ZNF821: variants seen among roughly 807,000 people sequenced by gnomAD.
ZNF821 encodes the protein zinc finger protein 821.
In ZNF821, 16 loss-of-function variants were observed where a neutral mutation model predicts 44.3. That is an observed-to-expected ratio of 0.36 (90% CI 0.24 to 0.55). The LOEUF (loss-of-function observed/expected upper bound fraction) is 0.55, where lower values mean the gene tolerates loss of function less well. Ranked by LOEUF, ZNF821 falls within the 20% of genes least tolerant of loss-of-function variation. The pLI is 0.86. For missense variants in ZNF821, 436 were observed against 547.6 expected, an observed-to-expected ratio of 0.80 and a Z score of 2.03; for synonymous variants, 204 against 197.6, an observed-to-expected ratio of 1.03 and a Z score of -0.27.
chr16:71,859,891 T>C lies in ZNF821; in HGVS notation c.*127A>G. The C allele has an allele frequency of 1.8e-6, 2 of 1,129,116 alleles. No homozygotes were observed. Among genetic ancestry groups the C allele is most frequent in the Non-Finnish European group, 1.2e-6 (1 of 827,542 alleles). The allele number at this position is 1,129,116 out of a possible 1,614,324, so 69.9% of individuals were successfully genotyped here. A position where few individuals can be genotyped will look rare whatever the true frequency, so the allele number is the denominator to read the frequency against. Reference sequence around the variant, plus strand: ...AAGGGCTGCTCAGGTCCACCTGCAATAAACCCAGGCCTGCCTCTGGCAGCA... The same window carrying C: ...AAGGGCTGCTCAGGTCCACCTGCAACAAACCCAGGCCTGCCTCTGGCAGCA... On this transcript the variant is annotated 3_prime_UTR_variant, in exon 8 of 8. Transcript: ENST00000425432.
In ZNF821 at chr16:71,866,355, C is replaced by G. The variant is rs145812822; in HGVS notation, c.167-1307G>C. Among the ~76,000 whole-genome samples, 1,232 of 152,242 alleles carry G rather than the reference C, an allele frequency of 8.1e-3. 11 individuals carry two copies. The highest frequency in any genetic ancestry group is 9.2e-3 in the Non-Finnish European group (627 of 68,026). On this transcript the variant is annotated intron_variant, in intron 4 of 7. Transcript: ENST00000425432. ...TCATCTGCTAGTAGTTACATGTGTC[C>G]TTATTAGATAAATACTCCAGGCAAC...
Position 71,861,937 on chromosome 16 carries a change from A to T in ZNF821, c.423T>A (p.Thr141=). 1 of 1,614,180 alleles carries T rather than the reference A, an allele frequency of 6.2e-7. No homozygotes were observed. Among genetic ancestry groups the T allele is most frequent in the Non-Finnish European group, 8.5e-7 (1 of 1,180,002 alleles). Residue 141 remains threonine (T), a synonymous_variant, in exon 7 of 8, where the codon ACT becomes ACA. Transcript: ENST00000425432. ...AGCTCTTGGCGCTCACCACTGCTGC[A>T]GTGTGCTGTAAAACAGAGCCTTGAT... ...EQLIAHVYQH[T]AAVVSAKSYM...
intron 3 of ZNF821, among the ~76,000 whole-genome samples, chr16:71,874,590 A>G (rs1224072342): frequency 6.6e-6 from 1 of 151,976 alleles, no homozygotes; most frequent in Non-Finnish European, 1.5e-5. Context: ...AGTAGCTAGG[A>G]TTACAGGCGT....
Position 71,864,924 on chromosome 16 carries a change from C to A in ZNF821, c.291G>T (p.Gly97=). ...ELENTEQPVG[G]NEVVEHEVTG... is the part of the protein sequence containing the mutation. ...TTGCCTCGTGCTCTACCACTTCGTT[C>A]CCACCAACAGGCTGTTCTGTATTTT... Residue 97 remains glycine (G), a synonymous_variant, in exon 5 of 8, where the codon GGG becomes GGT. Coordinates refer to ENST00000425432, the MANE Select transcript of ZNF821 (RefSeq NM_001201552.2). The A allele has an allele frequency of 2.5e-6, 4 of 1,614,156 alleles. No homozygotes were observed. The highest frequency in any genetic ancestry group is 3.4e-6 in the Non-Finnish European group (4 of 1,180,026).
chr16:71,892,409 G>A (rs1247878511), intron 1 of ZNF821, among the ~76,000 whole-genome samples: 1 of 149,632 alleles, frequency 6.7e-6, no homozygotes, highest in Non-Finnish European at 1.5e-5. Context: ...TGGGACTACA[G>A]GCGCCCGCCA....
At chr16:71,894,930 G>T in exon 1 of ZNF821, 1 of 1,076,436 alleles carries the variant, frequency 9.3e-7, no homozygotes, top group South Asian at 1.3e-5. Flanking sequence ...TGGTGCTGAG[G>T]AAACACTACT....
Position 71,865,361 on chromosome 16 carries a change from C to T in ZNF821, c.167-313G>A, listed in dbSNP as rs372639048. Among the ~76,000 whole-genome samples the T allele has an allele frequency of 3.2e-4, 48 of 152,266 alleles. 2 individuals are homozygous for T. The South Asian group carries it at 8.7e-3, about 28-fold the overall frequency. On this transcript the variant is annotated intron_variant, in intron 4 of 7. Transcript: ENST00000425432. ...ATATCTCACACTTCAAATCACACCT[C>T]CCCAAGCACCTTACACTGAGCTCAT...
chr16:71,884,871 T>TC (rs1032582937), upstream of ZNF821: 5 of 142,514 alleles, frequency 3.5e-5, no homozygotes, highest in Admixed American at 6.7e-5. Context: ...TTTTTTTTTT[T>TC]TTTTGAGACA....
chr16:71,875,636 G>T (rs1026743566), intron 3 of ZNF821, among the ~76,000 whole-genome samples: 2 of 151,932 alleles, frequency 1.3e-5, no homozygotes. Flanking sequence ...TGTTTGTTTT[G>T]TATTTTTAGT....
chr16:71,890,390 CTT>C (rs11298803), intron 1 of ZNF821, among the ~76,000 whole-genome samples: 105 of 145,476 alleles, frequency 7.2e-4, no homozygotes, highest in Middle Eastern at 6.9e-3. Flanking sequence ...AGTCAGCAAA[CTT>C]TTTTTTTTTT....
At chr16:71,876,631 C>A (rs2035850890) in intron 3 of ZNF821, among the ~76,000 whole-genome samples, 1 of 152,098 alleles carries the variant, frequency 6.6e-6, no homozygotes, top group African/African-American at 2.4e-5. Flanking sequence ...CAGGATCTCA[C>A]TCCGACGCTC....
chr16:71,870,308 T>C (rs565774495), intron 3 of ZNF821, among the ~76,000 whole-genome samples: 5 of 151,780 alleles, frequency 3.3e-5, no homozygotes, highest in Non-Finnish European at 5.9e-5. Context: ...TAAGCTGTTT[T>C]AAGTCCATCT....
chr16:71,859,685 T>TA lies in ZNF821; in HGVS notation c.*332dup. 1 of 272,016 alleles carries TA rather than the reference T, an allele frequency of 3.7e-6. No homozygotes were observed. The highest frequency in any genetic ancestry group is 6.9e-6 in the Non-Finnish European group (1 of 144,780). The allele number at this position is 272,016 out of a possible 1,614,324, so 16.9% of individuals were successfully genotyped here. A position where few individuals can be genotyped will look rare whatever the true frequency, so the allele number is the denominator to read the frequency against. The stretch of plus-strand genomic sequence containing the variant: ...TGAGAGAAAAGCAAGAAAGGGGCAG[T>TA]AAAGATAAAATTAATTTATTTGACT... On this transcript the variant is annotated 3_prime_UTR_variant, in exon 8 of 8. Coordinates refer to ENST00000425432, the MANE Select transcript of ZNF821 (RefSeq NM_001201552.2).
At chr16:71,867,166 T>C (rs541998200) in intron 4 of ZNF821, among the ~76,000 whole-genome samples, 1 of 152,336 alleles carries the variant, frequency 6.6e-6, no homozygotes, top group Admixed American at 6.5e-5. Context: ...GCAAATCTTC[T>C]TGTTTAACAT....
At chr16:71,894,784 C>CCCCCAAGCGATCCT in intron 1 of ZNF821, 1 of 1,445,052 alleles carries the variant, frequency 6.9e-7, no homozygotes, top group Non-Finnish European at 9.4e-7. Context: ...GATCCTCCCG[C>CCCCCAAGCGATCCT]CCCGCCTCTC....
upstream of ZNF821, among the ~76,000 whole-genome samples, chr16:71,887,215 C>G (rs955574092): frequency 6.7e-6 from 1 of 149,648 alleles, no homozygotes; most frequent in African/African-American, 2.5e-5. Flanking sequence ...ATACATATAT[C>G]TAAGAGTGGA....
chr16:71,895,229 C>G (rs2142508020), exon 1 of ZNF821: 1 of 171,804 alleles, frequency 5.8e-6, no homozygotes, highest in African/African-American at 2.4e-5. Context: ...GCCGTGGGCG[C>G]AGAGTCCGAG....
intron 3 of ZNF821, among the ~76,000 whole-genome samples, chr16:71,869,043 TGGGATCCATGA>T (rs1256831501): frequency 6.6e-6 from 1 of 152,148 alleles, no homozygotes; most frequent in African/African-American, 2.4e-5. Flanking sequence ...GAACTCTGCT[TGGGATCCATGA>T]GGCTACTGAA....
rs1264370331 is a variant in ZNF821 at position 71,860,771 on chromosome 16, G to A, written c.585-99C>T. On this transcript the variant is annotated intron_variant, in intron 7 of 7. Transcript: ENST00000425432. The surrounding 1 kb of genome is among the most constrained non-coding windows in gnomAD (Gnocchi z 7.3). Reference sequence around the variant, plus strand: ...TTTCCTATGAGGCCAGTGGCTCCACGCTCACCACAAGGGGTCAGTTTGAAT... The same window carrying A: ...TTTCCTATGAGGCCAGTGGCTCCACACTCACCACAAGGGGTCAGTTTGAAT... The A allele has an allele frequency of 1.2e-5, 15 of 1,249,372 alleles. No homozygotes were observed. Among genetic ancestry groups the A allele is most frequent in the East Asian group, 1.0e-4 (4 of 40,116 alleles). 77.4% of individuals were successfully genotyped at this position (1,249,372 alleles called of 1,614,324 possible).
Sources: gnomAD v4.1 joint callset for allele counts (sites outside exome capture counted in the v4.1 genomes callset) on GRCh38, gnomAD v4.1.1 for gene constraint, Gnocchi (gnomAD v3.1) non-coding constraint, MANE v1.5 for transcripts, NCBI Gene and HGNC (gene_info 2026-07-23, HGNC 2026-07-21) for gene names.